PRKN: variants seen among roughly 807,000 people sequenced by gnomAD.
PRKN encodes the protein parkin RBR E3 ubiquitin protein ligase.
Under a neutral mutation model 59.5 loss-of-function variants are expected in PRKN, and 56 were observed. That is an observed-to-expected ratio of 0.94 (90% CI 0.76 to 1.18). The LOEUF (loss-of-function observed/expected upper bound fraction) is 1.18. Among genes scored for constraint, PRKN ranks in the 50% most tolerant of loss-of-function variants. The probability of loss-of-function intolerance (pLI) is 0.00; values close to 1 mark genes in which losing one functional copy is unlikely to be tolerated. For synonymous variants in PRKN, 250 were observed against 222.1 expected, an observed-to-expected ratio of 1.13 and a Z score of -1.12; for missense variants, 657 against 596.4, an observed-to-expected ratio of 1.10 and a Z score of -1.06.
At chr6:162,566,020 G>C (rs1447916886) in intron 1 of PRKN, among the ~76,000 whole-genome samples, 1 of 152,070 alleles carries the variant, frequency 6.6e-6, no homozygotes, top group Admixed American at 6.6e-5. Flanking sequence ...GGTCAATTCA[G>C]CAAGACGATA....
At position 161,348,799 on chromosome 6, in the gene PRKN, G is replaced by C. The variant is rs1333256750; in HGVS notation, c.*1300C>G. On this transcript the variant is annotated 3_prime_UTR_variant, in exon 12 of 12. Coordinates refer to ENST00000366898, the MANE Select transcript of PRKN (RefSeq NM_004562.3). This position sits in a 1 kb window ranked among gnomAD's most constrained non-coding sequence, Gnocchi z 4.9. ...AATACAGGTAGAACAAAAGATAGTG[G>C]TTGTACTTTCTCTTCTGCGTAGTGT... is the stretch of plus-strand genomic sequence containing the variant. 1 of 210,440 alleles carries C rather than the reference G, an allele frequency of 4.8e-6. No homozygotes were observed. The highest frequency in any genetic ancestry group is 5.9e-5 in the Admixed American group (1 of 16,954). 13.0% of individuals were successfully genotyped at this position (210,440 alleles called of 1,614,324 possible). A position where few individuals can be genotyped will look rare whatever the true frequency, so the allele number is the denominator to read the frequency against.
chr6:161,717,852 G>C (rs75019335), intron 7 of PRKN, among the ~76,000 whole-genome samples: 1 of 152,094 alleles, frequency 6.6e-6, no homozygotes, highest in East Asian at 1.9e-4. Flanking sequence ...CTTCCATCCC[G>C]CTGTGCTCAT....
At chr6:162,486,179 A>G (rs1305171155) in intron 1 of PRKN, among the ~76,000 whole-genome samples, 1 of 152,160 alleles carries the variant, frequency 6.6e-6, no homozygotes, top group Non-Finnish European at 1.5e-5. Flanking sequence ...TTGGTGTACA[A>G]CTTTGCAGGC....
At chr6:162,072,148 C>T (rs1012623816) in intron 4 of PRKN, among the ~76,000 whole-genome samples, 8 of 151,992 alleles carry the variant, frequency 5.3e-5, no homozygotes, top group South Asian at 2.1e-4. Flanking sequence ...ACAGGCTGGG[C>T]GCGGTGGCTC....
intron 2 of PRKN, among the ~76,000 whole-genome samples, chr6:162,386,287 A>G (rs1352409217): frequency 1.3e-5 from 2 of 152,210 alleles, no homozygotes; most frequent in African/African-American, 4.8e-5. Context: ...GTGTCTGTCT[A>G]CTTCAAAACA....
chr6:162,442,934 C>T (rs1790128550), intron 2 of PRKN, among the ~76,000 whole-genome samples: 1 of 152,058 alleles, frequency 6.6e-6, no homozygotes. Context: ...GACTGAGCAG[C>T]CTGATTGGGA....
chr6:162,357,866 T>C (rs1028820342), intron 2 of PRKN, among the ~76,000 whole-genome samples: 10 of 152,178 alleles, frequency 6.6e-5, no homozygotes, highest in African/African-American at 2.4e-4. Context: ...CAAAACTATA[T>C]ATAGAAGCAG....
intron 6 of PRKN, among the ~76,000 whole-genome samples, chr6:161,877,560 C>A (rs975850484): frequency 6.6e-6 from 1 of 151,262 alleles, no homozygotes; most frequent in Non-Finnish European, 1.5e-5. Flanking sequence ...CCTGGGTTCA[C>A]GCTGTTCTCC....
At chr6:161,773,964 G>A (rs918671049) in intron 7 of PRKN, among the ~76,000 whole-genome samples, 1 of 152,066 alleles carries the variant, frequency 6.6e-6, no homozygotes, top group Non-Finnish European at 1.5e-5. Context: ...ACGGACGGAC[G>A]GAATCACTTC....
intron 4 of PRKN, among the ~76,000 whole-genome samples, chr6:162,121,950 T>C (rs1780932051): frequency 1.3e-5 from 2 of 152,188 alleles, no homozygotes; most frequent in Admixed American, 1.3e-4. Context: ...GAAACAGTGA[T>C]TATTTGGTGA....
intron 7 of PRKN, among the ~76,000 whole-genome samples, chr6:161,720,434 T>C (rs1243259738): frequency 6.6e-6 from 1 of 152,140 alleles, no homozygotes; most frequent in Admixed American, 6.5e-5. Context: ...GCCCCGACAC[T>C]GCAGGGTCTG....
At chr6:162,660,556 C>T (rs1778839273) in intron 1 of PRKN, among the ~76,000 whole-genome samples, 2 of 152,188 alleles carry the variant, frequency 1.3e-5, no homozygotes, top group African/African-American at 4.8e-5. Flanking sequence ...CCCTATGATT[C>T]CATAGCTATT....
At chr6:161,573,972 G>A (rs1190849419) in intron 7 of PRKN, among the ~76,000 whole-genome samples, 1 of 151,432 alleles carries the variant, frequency 6.6e-6, no homozygotes, top group East Asian at 1.9e-4. Flanking sequence ...TAAGATACAA[G>A]TGAAAGGACT....
At chr6:162,215,402 C>T (rs1344259282) in intron 3 of PRKN, among the ~76,000 whole-genome samples, 1 of 152,082 alleles carries the variant, frequency 6.6e-6, no homozygotes, top group East Asian at 1.9e-4. Flanking sequence ...ATCTCTGTGA[C>T]AATATAATGA....
chr6:162,080,813 C>T (rs1425374554), intron 4 of PRKN, among the ~76,000 whole-genome samples: 1 of 152,068 alleles, frequency 6.6e-6, no homozygotes, highest in Non-Finnish European at 1.5e-5. Context: ...TGTAGCATGT[C>T]ATTCTGTCTG....
At chr6:161,425,770 G>A (rs1788320853) in intron 9 of PRKN, among the ~76,000 whole-genome samples, 1 of 152,166 alleles carries the variant, frequency 6.6e-6, no homozygotes, top group African/African-American at 2.4e-5. Context: ...CTCAAATTTT[G>A]TGCTTTGTAA....
At chr6:162,670,692 T>G (rs1779286591) in intron 1 of PRKN, among the ~76,000 whole-genome samples, 1 of 152,162 alleles carries the variant, frequency 6.6e-6, no homozygotes, top group African/African-American at 2.4e-5. Context: ...CAATGTGGGT[T>G]TTATGGAAGA....
At chr6:162,144,161 T>C (rs1194572020) in intron 4 of PRKN, among the ~76,000 whole-genome samples, 2 of 152,192 alleles carry the variant, frequency 1.3e-5, no homozygotes, top group African/African-American at 4.8e-5. Flanking sequence ...CTTGACCCTG[T>C]TACCGCGCAC....
chr6:162,108,920 G>A (rs1439517228), intron 4 of PRKN, among the ~76,000 whole-genome samples: 4 of 152,226 alleles, frequency 2.6e-5, no homozygotes, highest in Admixed American at 1.3e-4. Flanking sequence ...TGAGGGGTAA[G>A]TCAGTGGTGT....
Sources: gnomAD v4.1 joint callset for allele counts (sites outside exome capture counted in the v4.1 genomes callset) on GRCh38, gnomAD v4.1.1 for gene constraint, Gnocchi (gnomAD v3.1) non-coding constraint, MANE v1.5 for transcripts, NCBI Gene and HGNC (gene_info 2026-07-23, HGNC 2026-07-21) for gene names.